Variants in AAR2 observed in about 807,000 individuals in gnomAD.
The protein encoded by AAR2 is protein AAR2 homolog.
A neutral mutation model predicts 26.9 loss-of-function variants in AAR2; 31 were observed. The ratio of observed to expected loss-of-function variants is 1.15; its 90% CI spans 0.86 to 1.55. The LOEUF is 1.55. Among genes scored for constraint, AAR2 ranks in the 40% most tolerant of loss-of-function variants. The pLI, the probability that AAR2 is intolerant of heterozygous loss-of-function variation, is 0.00. For missense variants in AAR2, 430 were observed against 491.3 expected, an observed-to-expected ratio of 0.88 and a Z score of 1.18; for synonymous variants, 188 against 196.1, an observed-to-expected ratio of 0.96 and a Z score of 0.34.
intron 3 of AAR2, among the ~76,000 whole-genome samples, chr20:36,247,899 TA>T (rs113331497): frequency 7.9e-5 from 12 of 151,296 alleles, no homozygotes; most frequent in East Asian, 3.9e-4. Context: ...AAAATTGTGG[TA>T]AAAAAAAACA....
chr20:36,245,057 T>A, intron 3 of AAR2, 131 bp downstream of exon 3: 1 of 806,822 alleles, frequency 1.2e-6, no homozygotes, highest in Non-Finnish European at 2.0e-6. Flanking sequence ...TTGGGATATT[T>A]CCTGCTTTTC....
intron 1 of AAR2, among the ~76,000 whole-genome samples, chr20:36,238,083 C>G (rs532431955): frequency 6.6e-6 from 1 of 152,198 alleles, no homozygotes; most frequent in African/African-American, 2.4e-5. Context: ...CACGCCCGGC[C>G]TGTTGATACG....
At chr20:36,251,145 G>A (rs1044914391) in intron 3 of AAR2, among the ~76,000 whole-genome samples, 2 of 151,868 alleles carry the variant, frequency 1.3e-5, no homozygotes, top group African/African-American at 4.8e-5. Context: ...GCAGTAAGCT[G>A]TGATCACATC....
rs2064723445 is a variant in AAR2, at chr20:36,245,255, T to C, written c.987+329T>C. On this transcript the variant is annotated intron_variant, in intron 3 of 3. Coordinates refer to ENST00000320849, the MANE Select transcript of AAR2 (RefSeq NM_001271874.2). ...GTAGCCATGAATTGCTACAACCCAG[T>C]AAAGCAGAATTTTGAAGTTTGTTAT... is the stretch of plus-strand genomic sequence containing the variant. 3.3e-5 allele frequency among the ~76,000 whole-genome samples: 5 copies of C among 152,302 alleles called. No individual in the cohort carries two copies. The South Asian group carries it at 1.0e-3, about 32-fold the overall frequency.
intron 2 of AAR2, 79 bp downstream of exon 2, chr20:36,240,704 T>G: frequency 6.7e-7 from 1 of 1,500,522 alleles, no homozygotes; most frequent in Non-Finnish European, 8.9e-7. Flanking sequence ...GGAGTACATC[T>G]TGTGTTAGTC....
At chr20:36,254,678 G>A (rs2064805446) in intron 3 of AAR2, among the ~76,000 whole-genome samples, 1 of 152,154 alleles carries the variant, frequency 6.6e-6, no homozygotes, top group Non-Finnish European at 1.5e-5. Context: ...TGTATATTTT[G>A]CCACAGTTTA....
chr20:36,247,128 A>G (rs1160795453), intron 3 of AAR2, among the ~76,000 whole-genome samples: 2 of 152,242 alleles, frequency 1.3e-5, no homozygotes, highest in South Asian at 2.1e-4. Flanking sequence ...TAACTAGCCA[A>G]GTAACTCCAG....
intron 3 of AAR2, among the ~76,000 whole-genome samples, chr20:36,249,080 A>G (rs2064761452): frequency 6.6e-6 from 1 of 152,162 alleles, no homozygotes; most frequent in Admixed American, 6.5e-5. Flanking sequence ...TTAAATGGCT[A>G]CTACCCATGG....
At chr20:36,248,574 G>T (rs552321676) in intron 3 of AAR2, among the ~76,000 whole-genome samples, 1 of 152,102 alleles carries the variant, frequency 6.6e-6, no homozygotes. Context: ...CTGACTTCAG[G>T]TGATCCACCC....
At chr20:36,250,752 AC>A (rs2064773598) in intron 3 of AAR2, among the ~76,000 whole-genome samples, 1 of 152,208 alleles carries the variant, frequency 6.6e-6, no homozygotes, top group Non-Finnish European at 1.5e-5. Flanking sequence ...AGAACTGGAT[AC>A]CAAAAGCAAA....
At chr20:36,247,876 A>T (rs1046938089) in intron 3 of AAR2, among the ~76,000 whole-genome samples, 6 of 149,134 alleles carry the variant, frequency 4.0e-5, no homozygotes, top group African/African-American at 1.0e-4. Context: ...TCTCAAAAAA[A>T]AATAATAAAA....
intron 3 of AAR2, among the ~76,000 whole-genome samples, chr20:36,249,017 G>A (rs975522571): frequency 6.6e-6 from 1 of 152,036 alleles, no homozygotes; most frequent in South Asian, 2.1e-4. Flanking sequence ...TCAGCCAGCC[G>A]CCTGCCCTCC....
At chr20:36,254,154 A>G (rs75717642) in intron 3 of AAR2, among the ~76,000 whole-genome samples, 8,489 of 152,318 alleles carry the variant, frequency 0.056, 343 homozygotes, top group Non-Finnish European at 0.086. Flanking sequence ...TGTTCATAGC[A>G]GCATTATTCA....
At chr20:36,253,812 A>G (rs185741856) in intron 3 of AAR2, among the ~76,000 whole-genome samples, 131 of 152,384 alleles carry the variant, frequency 8.6e-4, no homozygotes, top group Non-Finnish European at 1.6e-3. Context: ...AAGAAGATAT[A>G]CAAATGGCCA....
intron 3 of AAR2, among the ~76,000 whole-genome samples, chr20:36,250,709 C>A (rs1002557641): frequency 6.6e-6 from 1 of 151,992 alleles, no homozygotes; most frequent in African/African-American, 2.4e-5. Flanking sequence ...ATTGGGGTGA[C>A]GGTTACACAA....
rs930653490 is a variant in AAR2 at position 36,239,923 on chromosome 20, G to A, written c.55G>A (p.Ala19Thr). Residue 19 changes from alanine to threonine, a missense_variant, in exon 2 of 4, where the codon GCC (alanine) becomes ACC (threonine). Coordinates refer to ENST00000320849, the MANE Select transcript of AAR2 (RefSeq NM_001271874.2). Reference sequence around the variant, plus strand: ...AGCCAAGCGCCTCTTCTTTGAAGGGGCCACTGTGGTCATCCTGAACATGCC... The same window carrying A: ...AGCCAAGCGCCTCTTCTTTGAAGGGACCACTGTGGTCATCCTGAACATGCC... ...ELAKRLFFEG[A>T]TVVILNMPKG... 8 of 1,611,980 alleles carry A rather than the reference G, an allele frequency of 5.0e-6. No homozygotes were observed. The highest frequency in any genetic ancestry group is 1.1e-5 in the South Asian group (1 of 90,980).
chr20:36,249,534 C>T (rs1324301217), intron 3 of AAR2, among the ~76,000 whole-genome samples: 1 of 152,162 alleles, frequency 6.6e-6, no homozygotes, highest in Non-Finnish European at 1.5e-5. Context: ...AATGTGTGTT[C>T]ATCTTTAACT....
chr20:36,244,613 A>C, intron 2 of AAR2, 84 bp from the exon 3 acceptor site: 3 of 1,317,032 alleles, frequency 2.3e-6, no homozygotes, highest in Non-Finnish European at 3.3e-6. Context: ...GTCCAGTGGA[A>C]TTCATGGCCT....
chr20:36,254,377 AG>A (rs1270266733), intron 3 of AAR2, among the ~76,000 whole-genome samples: 2 of 152,254 alleles, frequency 1.3e-5, no homozygotes, highest in East Asian at 3.8e-4. Flanking sequence ...CACTTAGATG[AG>A]GTGCCTAGAG....
Sources: gnomAD v4.1 joint callset for allele counts (sites outside exome capture counted in the v4.1 genomes callset) on GRCh38, gnomAD v4.1.1 for gene constraint, MANE v1.5 for transcripts, NCBI Gene and HGNC (gene_info 2026-07-23, HGNC 2026-07-21) for gene names.